Variants in F5 observed in about 807,000 individuals in gnomAD.
F5 encodes the protein coagulation factor V.
A neutral mutation model predicts 216.4 loss-of-function variants in F5; 138 were observed. That is an observed-to-expected ratio of 0.64 (90% CI 0.56 to 0.73). The LOEUF is 0.73. Ranked by LOEUF, F5 falls within the 30% of genes least tolerant of loss-of-function variation. The probability of loss-of-function intolerance (pLI) is 0.00; values close to 1 mark genes in which losing one functional copy is unlikely to be tolerated. For synonymous variants in F5, 916 were observed against 930.7 expected (o/e 0.98, Z 0.29); for missense variants, 2,403 against 2,674.0 (o/e 0.90, Z 2.24).
At chr1:169,543,488 GA>G (rs1659921495) in intron 12 of F5, among the ~76,000 whole-genome samples, 1 of 152,142 alleles carries the variant, frequency 6.6e-6, no homozygotes, top group African/African-American at 2.4e-5. Flanking sequence ...AATATATTAA[GA>G]AAGGGATGAA....
Position 169,559,311 on chromosome 1 carries a change from A to G in F5, c.587-15T>C. ...AGTTAGGGTCCCTATGAAAGGAAAG[A>G]CATGTTTTCAGTAGCACTGCAGATA... is the stretch of plus-strand genomic sequence containing the variant. On this transcript the variant is annotated splice_polypyrimidine_tract_variant and intron_variant, in intron 4 of 24. Coordinates refer to ENST00000367797, the MANE Select transcript of F5 (RefSeq NM_000130.5). The G allele has an allele frequency of 6.2e-7, 1 of 1,613,326 alleles. No individual in the cohort carries two copies. The highest frequency in any genetic ancestry group is 8.5e-7 in the Non-Finnish European group (1 of 1,179,520).
At chr1:169,560,964 A>G (rs1209909369) in intron 3 of F5, among the ~76,000 whole-genome samples, 198 bp from the exon 4 acceptor site, 3 of 152,196 alleles carry the variant, frequency 2.0e-5, no homozygotes, top group Non-Finnish European at 2.9e-5. Flanking sequence ...TAACATGGTG[A>G]TCTTAAGAAT....
chr1:169,530,794 C>T lies in F5; in HGVS notation c.5200G>A (p.Val1734Met), dbSNP rs751374985. Residue 1734 changes from valine to methionine, a missense_variant, in exon 15 of 25, where the codon GTG (valine) becomes ATG (methionine). By Grantham distance (21) the Val-to-Met change is conservative. This residue lies in a region of F5 where 659 missense variants were observed against 787.9 expected (regional missense o/e 0.84). Coordinates refer to ENST00000367797, the MANE Select transcript of F5 (RefSeq NM_000130.5). ...ACRAWAYYSA[V>M]NPEKDIHSGL... ...TCAATGAAAGTACCTACTGGGTTCA[C>T]AGCTGAGTAGTAGGCCCAAGCCCGA... is the stretch of plus-strand genomic sequence containing the variant. 3 of 1,613,746 alleles carry T rather than the reference C, an allele frequency of 1.9e-6. No homozygotes were observed. In the African/African-American group the frequency reaches 4.0e-5, roughly 22 times the overall value.
At position 169,559,206 on chromosome 1, in the gene F5, T is replaced by C; in HGVS notation, c.677A>G (p.Gln226Arg). Residue 226 changes from glutamine (Q) to arginine (R), a missense_variant, in exon 5 of 25, where the codon CAG (glutamine) becomes CGG (arginine). Physicochemically the swap from Gln to Arg is conservative, Grantham distance 43 (BLOSUM62 1). This residue lies in a region of F5 where 1,425 missense variants were observed against 1,554.8 expected (regional missense o/e 0.92). Coordinates refer to ENST00000367797, the MANE Select transcript of F5 (RefSeq NM_000130.5). ...AVFDESKSWSQSSSLMYTVNG... is the reference protein window; with the variant it reads ...AVFDESKSWSRSSSLMYTVNG... ...GACTGTGTACATTAGGGATGATGAC[T>C]GGCTCCAGCTCTTGCTTTCATCAAA... The C allele has an allele frequency of 1.2e-6, 2 of 1,613,904 alleles. No individual in the cohort carries two copies. Among genetic ancestry groups the C allele is most frequent in the Non-Finnish European group, 1.7e-6 (2 of 1,179,820 alleles).
intron 10 of F5, among the ~76,000 whole-genome samples, 186 bp downstream of exon 10, chr1:169,549,615 C>T (rs1435334088): frequency 7.0e-6 from 1 of 143,388 alleles, no homozygotes; most frequent in Non-Finnish European, 1.5e-5. Context: ...AGTGATGGTA[C>T]TGATAAAAAT....
chr1:169,581,993 G>A (rs887405394), intron 2 of F5, among the ~76,000 whole-genome samples: 1 of 152,202 alleles, frequency 6.6e-6, no homozygotes, highest in African/African-American at 2.4e-5. Flanking sequence ...CAGGATATGA[G>A]ACTGTCTTGT....
chr1:169,576,885 G>C (rs1226182148), intron 2 of F5, among the ~76,000 whole-genome samples: 1 of 152,138 alleles, frequency 6.6e-6, no homozygotes, highest in Non-Finnish European at 1.5e-5. Flanking sequence ...AGTCTCCTAA[G>C]TTATTTAACC....
chr1:169,526,116 G>A (rs1211937627), intron 17 of F5, 99 bp from the exon 18 acceptor site: 4 of 817,060 alleles, frequency 4.9e-6, no homozygotes, highest in African/African-American at 3.4e-5. Context: ...TTCACAAGAG[G>A]CTTTCAAATA....
intron 2 of F5, among the ~76,000 whole-genome samples, chr1:169,579,002 T>C (rs1660926889): frequency 6.6e-6 from 1 of 152,112 alleles, no homozygotes; most frequent in Non-Finnish European, 1.5e-5. Flanking sequence ...CTGTATTCCT[T>C]TTTATAAAAT....
intron 5 of F5, among the ~76,000 whole-genome samples, 177 bp from the exon 6 acceptor site, chr1:169,557,044 C>T (rs575808063): frequency 3.9e-4 from 59 of 152,158 alleles, no homozygotes; most frequent in Non-Finnish European, 7.4e-4. Flanking sequence ...ATCTGAGTGA[C>T]CAGCAAACAA....
chr1:169,562,789 T>C (rs1466922542), intron 3 of F5, among the ~76,000 whole-genome samples: 2 of 152,112 alleles, frequency 1.3e-5, no homozygotes, highest in Non-Finnish European at 2.9e-5. Flanking sequence ...ATTTTATTTA[T>C]ATATACATAA....
intron 2 of F5, among the ~76,000 whole-genome samples, chr1:169,581,101 A>G (rs1395274608): frequency 3.3e-5 from 5 of 152,018 alleles, no homozygotes; most frequent in African/African-American, 1.2e-4. Flanking sequence ...TGAGATTCGA[A>G]CCCTGGGGAA....
intron 5 of F5, 99 bp downstream of exon 5, chr1:169,559,054 A>G (rs934268288): frequency 3.0e-6 from 4 of 1,322,242 alleles, no homozygotes; most frequent in Non-Finnish European, 1.1e-6. Flanking sequence ...GTTGCAAAAC[A>G]GTGAGTATGG....
At position 169,542,519 on chromosome 1, in the gene F5, G is replaced by A. The variant is rs1659890426; in HGVS notation, c.2571C>T (p.Phe857=). 1 of 1,613,934 alleles carries A rather than the reference G, an allele frequency of 6.2e-7. No individual in the cohort carries two copies. Among genetic ancestry groups the A allele is most frequent in the South Asian group, 1.1e-5 (1 of 91,082 alleles). The change falls in exon 13 of 25, where the codon TTC becomes TTT. Residue 857 remains phenylalanine (F), a synonymous_variant. Coordinates refer to ENST00000367797, the MANE Select transcript of F5 (RefSeq NM_000130.5). ...TATGCTTAGCATGTTCTTGACTTTT[G>A]AATTCTCCAGCACCAAGTGAAAGTA... The part of the protein sequence containing the change: ...IRLLSLGAGE[F]KSQEHAKHKG...
intron 11 of F5, 22 bp from the exon 12 acceptor site, chr1:169,544,530 A>C (rs201773649): frequency 2.5e-4 from 393 of 1,602,146 alleles, no homozygotes; most frequent in Non-Finnish European, 3.2e-4. Context: ...AAATCTGTTA[A>C]AATTCCAAGT....
intron 4 of F5, among the ~76,000 whole-genome samples, chr1:169,560,204 G>A (rs1203870403): frequency 6.6e-6 from 1 of 152,122 alleles, no homozygotes; most frequent in East Asian, 1.9e-4. Flanking sequence ...CTTTCCAAGA[G>A]CTCTTTCAGC....
intron 14 of F5, 55 bp from the exon 15 acceptor site, chr1:169,531,077 C>CA: frequency 7.5e-7 from 1 of 1,328,600 alleles, no homozygotes; most frequent in Non-Finnish European, 1.1e-6. Flanking sequence ...ATCTAAACCA[C>CA]AAAAATGTCA....
intron 4 of F5, among the ~76,000 whole-genome samples, chr1:169,560,034 C>T (rs1006585008): frequency 1.3e-5 from 2 of 152,064 alleles, no homozygotes; most frequent in African/African-American, 4.8e-5. Flanking sequence ...TCCTAAGAAG[C>T]CCAGCCAATA....
At chr1:169,586,090 A>C (rs1021635081) in intron 1 of F5, 139 bp downstream of exon 1, 1 of 919,910 alleles carries the variant, frequency 1.1e-6, no homozygotes, top group African/African-American at 1.7e-5. Flanking sequence ...TATTTAATTC[A>C]GTATACTCTC....
Sources: gnomAD v4.1 joint callset for allele counts (sites outside exome capture counted in the v4.1 genomes callset) on GRCh38, gnomAD v4.1.1 for gene constraint, gnomAD v4.1.1 regional missense constraint, MANE v1.5 for transcripts, NCBI Gene and HGNC (gene_info 2026-07-23, HGNC 2026-07-21) for gene names.